The following ASTN2 variants were observed in gnomAD, a reference collection of about 807,000 sequenced individuals.
The protein encoded by ASTN2 is astrotactin 2.
ASTN2 carries 54 observed loss-of-function variants against 139.8 expected under a neutral mutation model. The ratio of observed to expected loss-of-function variants is 0.39; its 90% CI spans 0.31 to 0.48. The LOEUF (loss-of-function observed/expected upper bound fraction) is 0.48. Among genes scored for constraint, ASTN2 ranks in the 20% least tolerant of loss-of-function variants. ASTN2 has a pLI of 0.95. For synonymous variants in ASTN2, 756 were observed against 719.5 expected (o/e 1.05, Z -0.81); for missense variants, 1,565 against 1,725.1 (o/e 0.91, Z 1.64).
intron 17 of ASTN2, among the ~76,000 whole-genome samples, chr9:116,627,213 T>A (rs1197969401): frequency 1.3e-5 from 2 of 152,190 alleles, no homozygotes; most frequent in Non-Finnish European, 2.9e-5. Context: ...GCAAGTGAGA[T>A]GAGTCATGTC....
intron 10 of ASTN2, among the ~76,000 whole-genome samples, chr9:116,957,232 C>T (rs115539253): frequency 0.015 from 2,258 of 152,130 alleles, 70 homozygotes; most frequent in African/African-American, 0.051. Context: ...TGTACATATG[C>T]GTGTGTATGT....
intron 17 of ASTN2, among the ~76,000 whole-genome samples, chr9:116,632,178 GA>G (rs1856795685): frequency 1.1e-4 from 2 of 17,608 alleles, no homozygotes; most frequent in African/African-American, 5.3e-4. Flanking sequence ...GAGAGAGAGA[GA>G]GAGAGGGAGA....
intron 11 of ASTN2, among the ~76,000 whole-genome samples, chr9:116,821,924 T>C (rs529297065): frequency 6.6e-6 from 1 of 152,166 alleles, no homozygotes; most frequent in Admixed American, 6.5e-5. Context: ...TCCCAGCTGA[T>C]GGAGAAGTAG....
At chr9:116,452,530 T>A (rs1848206224) in intron 20 of ASTN2, among the ~76,000 whole-genome samples, 1 of 152,244 alleles carries the variant, frequency 6.6e-6, no homozygotes, top group Admixed American at 6.5e-5. Flanking sequence ...CCTGGGCACA[T>A]ACTCTGTATC....
At chr9:117,206,868 C>T (rs1309599264) in intron 3 of ASTN2, among the ~76,000 whole-genome samples, 1 of 152,184 alleles carries the variant, frequency 6.6e-6, no homozygotes, top group Non-Finnish European at 1.5e-5. Flanking sequence ...TGCCTATGCA[C>T]AGGACCTGAG....
chr9:116,483,110 C>T (rs140391431), intron 20 of ASTN2, among the ~76,000 whole-genome samples: 111 of 152,342 alleles, frequency 7.3e-4, no homozygotes, highest in Non-Finnish European at 1.5e-3. Context: ...GAGCCATTGG[C>T]CCTGAGTGGA....
chr9:117,003,944 G>A (rs1226179604), intron 7 of ASTN2, among the ~76,000 whole-genome samples: 10 of 141,550 alleles, frequency 7.1e-5, no homozygotes, highest in African/African-American at 1.8e-4. Context: ...TCTTTCACGC[G>A]CGCGCGCGCG....
At chr9:116,534,334 C>T (rs749295445) in intron 19 of ASTN2, among the ~76,000 whole-genome samples, 7 of 151,830 alleles carry the variant, frequency 4.6e-5, no homozygotes, top group African/African-American at 9.7e-5. Context: ...ATTGATTTTT[C>T]GAATGGTTTT....
chr9:117,130,401 T>C (rs1456797464), intron 4 of ASTN2, among the ~76,000 whole-genome samples: 4 of 152,204 alleles, frequency 2.6e-5, no homozygotes, highest in African/African-American at 9.7e-5. Context: ...GGTTTATTCC[T>C]ATCACTTTAT....
intron 4 of ASTN2, among the ~76,000 whole-genome samples, chr9:117,113,864 G>T (rs1433980988): frequency 1.3e-5 from 2 of 152,116 alleles, no homozygotes; most frequent in Non-Finnish European, 2.9e-5. Flanking sequence ...ATTGTAGGTA[G>T]AAAGAAGGAT....
intron 16 of ASTN2, among the ~76,000 whole-genome samples, chr9:116,718,982 A>ATATATATATATATATATATATATG (rs1828398757): frequency 7.7e-6 from 1 of 129,400 alleles, no homozygotes; most frequent in African/African-American, 3.4e-5. Context: ...GTACATATAT[A>ATATATATATATATATATATATATG]TATATATATC....
chr9:117,285,738 G>T (rs1834433028), intron 2 of ASTN2, among the ~76,000 whole-genome samples: 1 of 152,160 alleles, frequency 6.6e-6, no homozygotes, highest in Non-Finnish European at 1.5e-5. Flanking sequence ...TCCACCGATG[G>T]ATAGCTCAGA....
intron 13 of ASTN2, among the ~76,000 whole-genome samples, chr9:116,736,232 A>G (rs1375551060): frequency 6.6e-6 from 1 of 152,234 alleles, no homozygotes; most frequent in Non-Finnish European, 1.5e-5. Flanking sequence ...AGCAAACTAA[A>G]TGCTTAAGTA....
At chr9:116,636,352 C>T (rs1182571341) in intron 17 of ASTN2, among the ~76,000 whole-genome samples, 1 of 152,174 alleles carries the variant, frequency 6.6e-6, no homozygotes, top group Non-Finnish European at 1.5e-5. Context: ...TAACTTCTTT[C>T]TTCATAAATC....
chr9:117,231,609 G>A (rs1429841900), intron 2 of ASTN2, among the ~76,000 whole-genome samples: 1 of 152,166 alleles, frequency 6.6e-6, no homozygotes, highest in Non-Finnish European at 1.5e-5. Context: ...AAAGGGGGAA[G>A]GAGCTTGTTG....
chr9:116,742,951 A>G (rs1336017959), intron 13 of ASTN2, among the ~76,000 whole-genome samples: 1 of 152,100 alleles, frequency 6.6e-6, no homozygotes, highest in African/African-American at 2.4e-5. Context: ...GCTTCTCTCA[A>G]AAAACTACCC....
intron 19 of ASTN2, among the ~76,000 whole-genome samples, chr9:116,525,316 A>C (rs957041029): frequency 6.6e-6 from 1 of 152,210 alleles, no homozygotes; most frequent in African/African-American, 2.4e-5. Context: ...TTTTTGGAAC[A>C]CATGTGGACA....
chr9:116,510,455 T>G (rs988935634), intron 19 of ASTN2, among the ~76,000 whole-genome samples: 2 of 152,120 alleles, frequency 1.3e-5, no homozygotes, highest in Non-Finnish European at 2.9e-5. Context: ...CAGCTTTGTT[T>G]TTTTGCTTAG....
intron 1 of ASTN2, among the ~76,000 whole-genome samples, chr9:117,366,870 G>A (rs140444363): frequency 4.3e-4 from 66 of 152,158 alleles, no homozygotes; most frequent in African/African-American, 1.6e-3. Flanking sequence ...CGCCTCCTGG[G>A]TTCAAGTGAT....
Sources: gnomAD v4.1 joint callset for allele counts (sites outside exome capture counted in the v4.1 genomes callset) on GRCh38, gnomAD v4.1.1 for gene constraint, MANE v1.5 for transcripts, NCBI Gene and HGNC (gene_info 2026-07-23, HGNC 2026-07-21) for gene names.